Variants in FRY observed in about 807,000 individuals in gnomAD.
The protein encoded by FRY is protein furry homolog.
A neutral mutation model predicts 348.4 loss-of-function variants in FRY; 128 were observed. The ratio of observed to expected loss-of-function variants is 0.37; its 90% CI spans 0.32 to 0.43. FRY has a LOEUF of 0.43. Among genes scored for constraint, FRY ranks in the 20% least tolerant of loss-of-function variants. FRY has a pLI of 1.00. For synonymous variants in FRY, 1,370 were observed against 1,374.7 expected, an observed-to-expected ratio of 1.00 and a Z score of 0.08; for missense variants, 2,736 against 3,695.2, an observed-to-expected ratio of 0.74 and a Z score of 6.73.
rs527600356 is a variant in FRY at position 32,248,532 on chromosome 13, A to T, written c.7009-994A>T. ...TGTACCCCAGAACTTAAAGTATATT[A>T]AAAAAAAAAGAAATAAACCTGGTGT... On this transcript the variant is annotated intron_variant, in intron 48 of 60. Transcript: ENST00000542859. 5.1e-4 allele frequency among the ~76,000 whole-genome samples: 47 copies of T among 91,658 alleles called. 1 individual carries two copies. Among genetic ancestry groups the T allele is most frequent in the East Asian group, 7.6e-4 (1 of 1,308 alleles). 60.1% of individuals were successfully genotyped at this position (91,658 alleles called of 152,430 possible). A position where few individuals can be genotyped will look rare whatever the true frequency, so the allele number is the denominator to read the frequency against.
chr13:32,209,945 A>G (rs798993), intron 33 of FRY, among the ~76,000 whole-genome samples: 67,334 of 151,962 alleles, frequency 0.44, 15,150 homozygotes, highest in African/African-American at 0.48. Context: ...TCATCTCCTT[A>G]CTCTGAGCCT....
At chr13:32,236,747 T>C (rs980579244) in intron 43 of FRY, among the ~76,000 whole-genome samples, 2 of 152,196 alleles carry the variant, frequency 1.3e-5, no homozygotes, top group African/African-American at 4.8e-5. Context: ...TAATGTTATC[T>C]TGTATCCGAT....
At chr13:32,138,347 A>G (rs1297470565) in intron 11 of FRY, among the ~76,000 whole-genome samples, 1 of 152,064 alleles carries the variant, frequency 6.6e-6, no homozygotes, top group Non-Finnish European at 1.5e-5. Context: ...TGTATATTCT[A>G]TGTTTAATGT....
At chr13:32,190,810 T>C (rs1053230207) in intron 28 of FRY, among the ~76,000 whole-genome samples, 1 of 152,192 alleles carries the variant, frequency 6.6e-6, no homozygotes, top group African/African-American at 2.4e-5. Context: ...AGGATATTTG[T>C]GACAACTGAA....
At chr13:32,102,089 A>C in intron 3 of FRY, 73 bp downstream of exon 3, 1 of 860,694 alleles carries the variant, frequency 1.2e-6, no homozygotes, top group Non-Finnish European at 2.0e-6. Context: ...CTGCATGCTC[A>C]CTATTGTTGT....
At chr13:32,036,775 G>T (rs1192180091) in intron 1 of FRY, among the ~76,000 whole-genome samples, 2 of 151,632 alleles carry the variant, frequency 1.3e-5, no homozygotes, top group Non-Finnish European at 2.9e-5. Flanking sequence ...CAGGACTTGA[G>T]ATAGAGATTT....
At chr13:32,045,162 G>A (rs1419268068) in intron 1 of FRY, among the ~76,000 whole-genome samples, 1 of 151,956 alleles carries the variant, frequency 6.6e-6, no homozygotes, top group Non-Finnish European at 1.5e-5. Flanking sequence ...ACCCCTATAG[G>A]GCTTAGTTCT....
chr13:32,090,864 T>C (rs1450051857), intron 2 of FRY, among the ~76,000 whole-genome samples: 1 of 152,122 alleles, frequency 6.6e-6, no homozygotes, highest in Non-Finnish European at 1.5e-5. Context: ...GGCAGAGAAA[T>C]AGGCTCCACT....
At chr13:32,047,610 G>A (rs1244520174) in intron 1 of FRY, among the ~76,000 whole-genome samples, 2 of 137,834 alleles carry the variant, frequency 1.5e-5, no homozygotes, top group African/African-American at 2.6e-5. Context: ...CACTCTTGTT[G>A]CCCAGGCTGG....
intron 31 of FRY, among the ~76,000 whole-genome samples, chr13:32,206,934 A>G (rs1452312677): frequency 6.6e-6 from 1 of 152,120 alleles, no homozygotes; most frequent in Non-Finnish European, 1.5e-5. Context: ...GTGGTCTCAC[A>G]TTTTATTTAA....
rs145061109 is a variant in FRY, at chr13:32,106,743, C to T, written c.324+4727C>T. ...ATTTTACTTTGGGTGACTATGTGTCCGTCTAAAAATGGGGTATTTTATACC... is the reference window on the plus strand; with the variant it reads ...ATTTTACTTTGGGTGACTATGTGTCTGTCTAAAAATGGGGTATTTTATACC... On this transcript the variant is annotated intron_variant, in intron 3 of 60. Coordinates refer to ENST00000542859, the MANE Select transcript of FRY (RefSeq NM_023037.3). Among the ~76,000 whole-genome samples, 340 of 151,976 alleles carry T rather than the reference C, an allele frequency of 2.2e-3. 3 individuals are homozygous for T. The highest frequency in any genetic ancestry group is 7.6e-3 in the African/African-American group (317 of 41,438).
At chr13:32,119,168 A>G (rs1283701488) in intron 4 of FRY, among the ~76,000 whole-genome samples, 1 of 152,226 alleles carries the variant, frequency 6.6e-6, no homozygotes, top group Non-Finnish European at 1.5e-5. Context: ...AAAATAAGAG[A>G]GAAAATGTGC....
Position 32,298,974 on chromosome 13 carries a change from A to G in FRY, c.*3514A>G, listed in dbSNP as rs2072107320. The G allele has an allele frequency of 1.3e-5, 2 of 152,252 alleles. No individual in the cohort carries two copies. Among genetic ancestry groups the G allele is most frequent in the Non-Finnish European group, 2.9e-5 (2 of 68,042 alleles). The allele number at this position is 152,252 out of a possible 1,614,324, so 9.4% of individuals were successfully genotyped here. On this transcript the variant is annotated 3_prime_UTR_variant, in exon 61 of 61. Transcript: ENST00000542859. ...TTATGTTTAAAAGGATTACTCCTTC[A>G]TAGCGATGAAGAAAAGCTCTATAAC...
At chr13:32,183,680 G>A (rs946731960) in intron 24 of FRY, among the ~76,000 whole-genome samples, 2 of 150,910 alleles carry the variant, frequency 1.3e-5, no homozygotes, top group African/African-American at 4.9e-5. Context: ...GGAGGCTGAG[G>A]CTGGAGAATC....
intron 17 of FRY, among the ~76,000 whole-genome samples, chr13:32,162,915 G>A (rs1291178109): frequency 6.6e-6 from 1 of 152,162 alleles, no homozygotes; most frequent in Non-Finnish European, 1.5e-5. Flanking sequence ...GATCAAAAAG[G>A]GCTTTCCAGT....
intron 46 of FRY, among the ~76,000 whole-genome samples, chr13:32,243,756 C>A (rs1886631332): frequency 6.6e-6 from 1 of 151,990 alleles, no homozygotes; most frequent in African/African-American, 2.4e-5. Flanking sequence ...TTGATAATAT[C>A]TTCAGTTCTT....
chr13:32,233,623 T>C (rs747449424), intron 41 of FRY, among the ~76,000 whole-genome samples: 3 of 152,246 alleles, frequency 2.0e-5, no homozygotes, highest in Non-Finnish European at 4.4e-5. Context: ...TGTTTTGAGT[T>C]GAATAGATCC....
At position 32,235,657 on chromosome 13, in the gene FRY, C is replaced by G. The variant is rs543753323; in HGVS notation, c.5716-421C>G. ...AGAAATGTTCCTGCATCTGAGGAAGCCTGCACACCTACAGACACTACCTGC... is the reference window on the plus strand; with the variant it reads ...AGAAATGTTCCTGCATCTGAGGAAGGCTGCACACCTACAGACACTACCTGC... On this transcript the variant is annotated intron_variant, in intron 42 of 60. Coordinates refer to ENST00000542859, the MANE Select transcript of FRY (RefSeq NM_023037.3). Among the ~76,000 whole-genome samples, 4 of 152,148 alleles carry G rather than the reference C, an allele frequency of 2.6e-5. No individual in the cohort carries two copies. In the East Asian group the frequency reaches 5.8e-4, roughly 22 times the overall value.
At chr13:32,145,328 A>C (rs1195373031) in intron 11 of FRY, among the ~76,000 whole-genome samples, 1 of 152,204 alleles carries the variant, frequency 6.6e-6, no homozygotes, top group Non-Finnish European at 1.5e-5. Context: ...AGGGTACTAC[A>C]GCAGTCCAGA....
Sources: allele counts gnomAD v4.1 joint callset (sites outside exome capture counted in the v4.1 genomes callset), GRCh38; gene constraint gnomAD v4.1.1; transcripts MANE v1.5; gene names NCBI Gene and HGNC (gene_info 2026-07-23, HGNC 2026-07-21).